ADK: variants seen among roughly 807,000 people sequenced by gnomAD.
ADK encodes N6,N6-dimethyladenosine kinase.
A neutral mutation model predicts 44.7 loss-of-function variants in ADK; 24 were observed. That is an observed-to-expected ratio of 0.54 (90% CI 0.39 to 0.76). The LOEUF is 0.76. ADK is among the 30% of genes least tolerant of loss of function. The pLI is 0.00. For missense variants in ADK, 321 were observed against 425.1 expected (o/e 0.76, Z 2.15); for synonymous variants, 128 against 142.6 (o/e 0.90, Z 0.73).
chr10:74,481,247 C>T (rs1373315846), intron 6 of ADK, among the ~76,000 whole-genome samples: 1 of 152,094 alleles, frequency 6.6e-6, no homozygotes, highest in Non-Finnish European at 1.5e-5. Context: ...AGATTATTGC[C>T]ATTATCCTGA....
chr10:74,341,580 C>T (rs1055957041), intron 4 of ADK, among the ~76,000 whole-genome samples: 3 of 150,922 alleles, frequency 2.0e-5, no homozygotes, highest in African/African-American at 7.3e-5. Flanking sequence ...TTCTTGCTGT[C>T]TGTTTTTATT....
intron 6 of ADK, among the ~76,000 whole-genome samples, chr10:74,446,656 A>G (rs918883427): frequency 6.6e-6 from 1 of 152,182 alleles, no homozygotes; most frequent in Admixed American, 6.5e-5. Context: ...AATAATTCCC[A>G]TGTACATACA....
chr10:74,506,804 A>G (rs1848094245), intron 6 of ADK, among the ~76,000 whole-genome samples: 1 of 152,234 alleles, frequency 6.6e-6, no homozygotes. Context: ...TAGTTTTATG[A>G]TAGTGATAAA....
At chr10:74,332,933 A>G (rs11000999) in intron 4 of ADK, among the ~76,000 whole-genome samples, 73,516 of 152,026 alleles carry the variant, frequency 0.48, 20,210 homozygotes, top group Non-Finnish European at 0.62. Context: ...TAAATTGAAT[A>G]TGAATGTATT....
chr10:74,207,872 T>C (rs1419723833), intron 2 of ADK, among the ~76,000 whole-genome samples: 2 of 152,214 alleles, frequency 1.3e-5, no homozygotes, highest in African/African-American at 4.8e-5. Context: ...TGCCTCCTGC[T>C]GCCATCAATC....
At chr10:74,263,834 C>T (rs140610728) in intron 3 of ADK, among the ~76,000 whole-genome samples, 67 of 152,162 alleles carry the variant, frequency 4.4e-4, no homozygotes, top group Non-Finnish European at 2.9e-4. Flanking sequence ...TGTTAATGCA[C>T]GTAATTTATA....
intron 9 of ADK, among the ~76,000 whole-genome samples, chr10:74,620,982 A>T (rs531533898): frequency 2.1e-4 from 32 of 151,986 alleles, no homozygotes; most frequent in Non-Finnish European, 3.8e-4. Flanking sequence ...TGATTAGATG[A>T]GTAAGTTGTA....
chr10:74,370,954 T>C (rs1842639057), intron 4 of ADK, among the ~76,000 whole-genome samples: 1 of 152,164 alleles, frequency 6.6e-6, no homozygotes, highest in Non-Finnish European at 1.5e-5. Context: ...GCAATTTTTA[T>C]TGTGGAGATG....
chr10:74,600,201 T>A (rs924493269), intron 8 of ADK, among the ~76,000 whole-genome samples, 178 bp from the exon 9 acceptor site: 9 of 151,848 alleles, frequency 5.9e-5, no homozygotes, highest in Admixed American at 1.3e-4. Context: ...GATGGGTTCC[T>A]TGGAAGTCAC....
At chr10:74,627,928 C>T (rs1447658486) in intron 9 of ADK, among the ~76,000 whole-genome samples, 1 of 152,296 alleles carries the variant, frequency 6.6e-6, no homozygotes, top group Admixed American at 6.5e-5. Flanking sequence ...TGAGCCACCA[C>T]ACCTGGCCTA....
At chr10:74,652,862 C>T (rs1854323237) in intron 9 of ADK, among the ~76,000 whole-genome samples, 1 of 152,054 alleles carries the variant, frequency 6.6e-6, no homozygotes. Context: ...GTTGTGTTTT[C>T]TAATTTCTAT....
chr10:74,510,830 G>T (rs1488604770), intron 6 of ADK, among the ~76,000 whole-genome samples: 2 of 152,068 alleles, frequency 1.3e-5, no homozygotes, highest in Non-Finnish European at 2.9e-5. Flanking sequence ...GCCTCAGCCA[G>T]CTGAGTAGCT....
intron 6 of ADK, among the ~76,000 whole-genome samples, chr10:74,487,649 A>G (rs952304348): frequency 2.0e-5 from 3 of 151,972 alleles, no homozygotes; most frequent in African/African-American, 7.2e-5. Context: ...TAAATACCAC[A>G]TTTAATATAG....
chr10:74,561,982 T>C (rs1850481524), intron 7 of ADK, among the ~76,000 whole-genome samples: 1 of 152,234 alleles, frequency 6.6e-6, no homozygotes, highest in Non-Finnish European at 1.5e-5. Context: ...GATTGTATTC[T>C]TAACTGTCTA....
rs1202838484 is a variant in ADK at position 74,394,155 on chromosome 10, G to A, written c.288G>A (p.Gln96=). The change falls in exon 5 of 11, where the codon CAG becomes CAA. Residue 96 remains glutamine, a synonymous_variant. Transcript: ENST00000539909. ...CTGTTTTACAGTGGATGATTCAACA[G>A]CCACACAAAGCAGCAACATTTTTTG... is the stretch of plus-strand genomic sequence containing the variant. ...SIKVAQWMIQ[Q]PHKAATFFGC... The A allele has an allele frequency of 1.2e-6, 2 of 1,613,924 alleles. No individual in the cohort carries two copies. Among genetic ancestry groups the A allele is most frequent in the East Asian group, 4.5e-5 (2 of 44,862 alleles).
At chr10:74,303,588 G>GTTTTTTTTTTTGTTTTGTTT (rs1840141798) in intron 3 of ADK, among the ~76,000 whole-genome samples, 1 of 68,576 alleles carries the variant, frequency 1.5e-5, no homozygotes, top group East Asian at 4.6e-4. Flanking sequence ...TTTTAATGTT[G>GTTTTTTTTTTTGTTTTGTTT]TTTTTTTTTT....
intron 3 of ADK, among the ~76,000 whole-genome samples, chr10:74,249,032 ACTAT>A (rs1470859677): frequency 1.3e-5 from 2 of 152,158 alleles, no homozygotes; most frequent in Non-Finnish European, 2.9e-5. Flanking sequence ...GCTTTTTGCC[ACTAT>A]CTATTTTTCA....
intron 6 of ADK, among the ~76,000 whole-genome samples, chr10:74,487,357 A>C (rs749259713): frequency 6.6e-6 from 1 of 152,046 alleles, no homozygotes; most frequent in Non-Finnish European, 1.5e-5. Flanking sequence ...CAGCACTTAC[A>C]TTAATGTTTT....
chr10:74,606,153 C>G (rs1214545112), intron 9 of ADK, among the ~76,000 whole-genome samples: 2 of 152,028 alleles, frequency 1.3e-5, no homozygotes, highest in Non-Finnish European at 1.5e-5. Flanking sequence ...ATTAGTCTAG[C>G]TAGCAGTCTA....
Sources: allele counts gnomAD v4.1 joint callset (sites outside exome capture counted in the v4.1 genomes callset), GRCh38; gene constraint gnomAD v4.1.1; transcripts MANE v1.5; gene names NCBI Gene and HGNC (gene_info 2026-07-23, HGNC 2026-07-21).